Variants in GTF2H2 observed in about 807,000 individuals in gnomAD.
The protein encoded by GTF2H2 is TFIIH basal transcription factor complex p44 subunit.
A neutral mutation model predicts 16.5 loss-of-function variants in GTF2H2; 2 were observed. The observed-to-expected ratio is 0.12, with a 90% CI of 0.05 to 0.38. GTF2H2 has a LOEUF of 0.38. GTF2H2 is among the 10% of genes least tolerant of loss of function. The pLI, the probability that GTF2H2 is intolerant of heterozygous loss-of-function variation, is 0.99. For synonymous variants in GTF2H2, 8 were observed against 44.1 expected (o/e 0.18, Z 3.24); for missense variants, 20 against 137.0 (o/e 0.15, Z 4.26).
Position 71,036,129 on chromosome 5 carries a change from G to T in GTF2H2, c.1069-333C>A. ...TTTTGAATGCTTAGCAAGACCACCT[G>T]ATTGATTCAATTAAAAAGAGAAGCA... is the stretch of plus-strand genomic sequence containing the variant. On this transcript the variant is annotated intron_variant, in intron 15 of 15. Transcript: ENST00000274400. Among the ~76,000 whole-genome samples the T allele has an allele frequency of 3.1e-5, 2 of 63,732 alleles. 1 individual carries two copies. Among genetic ancestry groups the T allele is most frequent in the Non-Finnish European group, 5.9e-5 (2 of 33,800 alleles). 41.8% of individuals were successfully genotyped at this position (63,732 alleles called of 152,430 possible).
intron 7 of GTF2H2, among the ~76,000 whole-genome samples, chr5:71,056,516 C>CT (rs1213939984): frequency 1.6e-3 from 75 of 46,310 alleles, no homozygotes; most frequent in African/African-American, 6.9e-3. Flanking sequence ...CTGCCAAATC[C>CT]TTTTTTTTCT....
At chr5:71,047,182 T>TCTCAGCTCATGGCAAC (rs1397428823) in intron 11 of GTF2H2, among the ~76,000 whole-genome samples, 1 of 138,476 alleles carries the variant, frequency 7.2e-6, no homozygotes, top group Non-Finnish European at 1.6e-5. Context: ...AGTGGCGCAA[T>TCTCAGCTCATGGCAAC]CTCAGCTCAT....
chr5:71,054,467 G>A (rs1753022118), intron 8 of GTF2H2, among the ~76,000 whole-genome samples: 1 of 145,208 alleles, frequency 6.9e-6, no homozygotes, highest in African/African-American at 2.6e-5. Context: ...GGCTGAGGTG[G>A]GCGGATCGCT....
chr5:71,053,114 T>C (rs1182602490), intron 8 of GTF2H2, among the ~76,000 whole-genome samples: 1 of 116,514 alleles, frequency 8.6e-6, no homozygotes, highest in East Asian at 2.4e-4. Context: ...GCATTCACAA[T>C]GTGACTAAGT....
chr5:71,039,679 A>C (rs1202799910), intron 14 of GTF2H2, among the ~76,000 whole-genome samples: 1 of 141,212 alleles, frequency 7.1e-6, no homozygotes. Context: ...ACTTTCTGGA[A>C]TATTTCTTCA....
intron 8 of GTF2H2, among the ~76,000 whole-genome samples, chr5:71,052,915 A>ATTGTTTTTTTTTTTTTTTTTTTTTTTT (rs1752867782): frequency 6.8e-5 from 3 of 44,052 alleles, no homozygotes; most frequent in Non-Finnish European, 7.4e-5. Context: ...TGCCTGGCTA[A>ATTGTTTTTTTTTTTTTTTTTTTTTTTT]TTTTTTTTTT....
At chr5:71,061,523 C>T (rs1753634383) in intron 3 of GTF2H2, 165 bp downstream of exon 3, 7 of 363,768 alleles carry the variant, frequency 1.9e-5, no homozygotes, top group Non-Finnish European at 3.5e-5. Context: ...AGACCATTTC[C>T]TGCTGGGGCA....
chr5:71,054,712 CGTGT>C lies in GTF2H2; in HGVS notation c.470+636_470+639del, dbSNP rs750011504. Among the ~76,000 whole-genome samples, 875 of 105,272 alleles carry C rather than the reference CGTGT, an allele frequency of 8.3e-3. 36 individuals carry two copies. The highest frequency in any genetic ancestry group is 9.5e-3 in the Non-Finnish European group (500 of 52,410). The allele number at this position is 105,272 out of a possible 152,430, so 69.1% of individuals were successfully genotyped here. A position where few individuals can be genotyped will look rare whatever the true frequency, so the allele number is the denominator to read the frequency against. On this transcript the variant is annotated intron_variant, in intron 8 of 15. Transcript: ENST00000274400. ...TGTCTCGAAAAAAAATATATATATA[CGTGT>C]GTGTGTGTGTGTGTGTGTGTGTGTG...
At chr5:71,061,422 A>G in intron 3 of GTF2H2, 114 bp from the exon 4 acceptor site, 3 of 889,432 alleles carry the variant, frequency 3.4e-6, no homozygotes, top group South Asian at 1.5e-5. Context: ...AATTCTGAGT[A>G]AGAATGTCAT....
rs1476026742 is a variant in GTF2H2 at position 71,046,108 on chromosome 5, A to C, written c.758-601T>G. On this transcript the variant is annotated intron_variant, in intron 11 of 15. Transcript: ENST00000274400. Reference sequence around the variant, plus strand: ...ATATACAATTTTAAATTCTGAAAACATGTTCAGGAAAAGCAGAAACCATTT... The same window carrying C: ...ATATACAATTTTAAATTCTGAAAACCTGTTCAGGAAAAGCAGAAACCATTT... Among the ~76,000 whole-genome samples, 5 of 129,614 alleles carry C rather than the reference A, an allele frequency of 3.9e-5. 1 individual carries two copies. The highest frequency in any genetic ancestry group is 6.3e-5 in the African/African-American group (2 of 31,632). 85.0% of individuals were successfully genotyped at this position (129,614 alleles called of 152,430 possible).
chr5:71,052,774 A>G (rs1181058281), intron 8 of GTF2H2, among the ~76,000 whole-genome samples: 1 of 49,898 alleles, frequency 2.0e-5, no homozygotes, highest in Non-Finnish European at 3.6e-5. Context: ...TTGAGACAGG[A>G]TCTTGCTCTA....
At chr5:71,052,268 T>C in intron 8 of GTF2H2, among the ~76,000 whole-genome samples, 1 of 133,356 alleles carries the variant, frequency 7.5e-6, no homozygotes, top group Non-Finnish European at 1.6e-5. Flanking sequence ...CCTGGGTTCA[T>C]GCGATTCTCC....
At chr5:71,036,344 G>T (rs1478882968) in intron 15 of GTF2H2, among the ~76,000 whole-genome samples, 6 of 88,622 alleles carry the variant, frequency 6.8e-5, no homozygotes, top group African/African-American at 2.3e-4. Flanking sequence ...AAATTTCCAG[G>T]GCAGCTTCAC....
chr5:71,050,975 T>G (rs1752663239), intron 8 of GTF2H2, among the ~76,000 whole-genome samples: 1 of 131,486 alleles, frequency 7.6e-6, no homozygotes, highest in Admixed American at 8.0e-5. Flanking sequence ...GCCTCCCCAG[T>G]AGCTGGGATT....
intron 14 of GTF2H2, among the ~76,000 whole-genome samples, chr5:71,039,817 TAA>T (rs1446565944): frequency 2.0e-5 from 2 of 99,148 alleles, no homozygotes; most frequent in East Asian, 6.9e-4. Flanking sequence ...TTGGCCAATA[TAA>T]AAAAGTTTCA....
intron 4 of GTF2H2, 22 bp downstream of exon 4, chr5:71,061,250 A>C: frequency 9.8e-7 from 1 of 1,015,884 alleles, no homozygotes; most frequent in Non-Finnish European, 1.4e-6. Flanking sequence ...CTGTACTAGT[A>C]AAAGAAAAAA....
In GTF2H2 at chr5:71,061,294, T is replaced by C. The variant is rs530061957; in HGVS notation, c.149A>G (p.His50Arg). Residue 50 changes from histidine (H) to arginine (R), a missense_variant, in exon 4 of 16, where the codon CAT (histidine) becomes CGT (arginine). By Grantham distance (29) the His-to-Arg change is conservative. Around this residue, in one of 2 missense-constraint regions of GTF2H2, gnomAD observed 19 missense variants for 58.8 expected, o/e 0.32. Coordinates refer to ENST00000274400, the Ensembl canonical transcript of GTF2H2. Reference sequence around the variant, plus strand: ...TACCATTCCAAGTCGAACTTGTCCATGGTGCTCAAATACTCTGTTAAAATT... The same window carrying C: ...TACCATTCCAAGTCGAACTTGTCCACGGTGCTCAAATACTCTGTTAAAATT... 256 of 1,506,472 alleles carry C rather than the reference T, an allele frequency of 1.7e-4. 18 individuals carry two copies. The African/African-American group carries it at 2.8e-3, about 17-fold the overall frequency. 93.3% of individuals were successfully genotyped at this position (1,506,472 alleles called of 1,614,324 possible).
At chr5:71,047,439 A>AT (rs1752474859) in intron 11 of GTF2H2, 1 of 133,302 alleles carries the variant, frequency 7.5e-6, no homozygotes, top group African/African-American at 2.8e-5. Flanking sequence ...ATTTTAAAAA[A>AT]TTTTTAATAT....
chr5:71,037,933 T>C (rs867240403), intron 14 of GTF2H2, among the ~76,000 whole-genome samples: 1,051 of 50,464 alleles, frequency 0.021, 264 homozygotes, highest in South Asian at 0.054. Context: ...GATGGTGTCA[T>C]TGCACTCCAC....
Sources: allele counts gnomAD v4.1 joint callset (sites outside exome capture counted in the v4.1 genomes callset), GRCh38; gene constraint gnomAD v4.1.1; regional missense constraint gnomAD v4.1.1; transcripts MANE v1.5; gene names NCBI Gene and HGNC (gene_info 2026-07-23, HGNC 2026-07-21).